The following ZNF263 variants were observed in gnomAD, a reference collection of about 807,000 sequenced individuals.
The protein encoded by ZNF263 is zinc finger protein 263.
Under a neutral mutation model 63.1 loss-of-function variants are expected in ZNF263, and 49 were observed. The observed-to-expected ratio is 0.78, with a 90% CI of 0.62 to 0.99. The LOEUF (loss-of-function observed/expected upper bound fraction) is 0.99, where lower values mean the gene tolerates loss of function less well. Ranked by LOEUF, ZNF263 falls within the 50% of genes least tolerant of loss-of-function variation. The pLI is 0.00. For missense variants in ZNF263, 872 were observed against 854.8 expected, an observed-to-expected ratio of 1.02 and a Z score of -0.25; for synonymous variants, 352 against 324.2, an observed-to-expected ratio of 1.09 and a Z score of -0.92.
Position 3,290,659 on chromosome 16 carries a change from C to A in ZNF263, c.*101C>A. On this transcript the variant is annotated 3_prime_UTR_variant, in exon 6 of 6. Coordinates refer to ENST00000219069, the MANE Select transcript of ZNF263 (RefSeq NM_005741.5). ...TGCCCAGCCGACCAAATGACCTCTGCATTCTTCAGGTAATGGGGGCTCATT... is the reference window on the plus strand; with the variant it reads ...TGCCCAGCCGACCAAATGACCTCTGAATTCTTCAGGTAATGGGGGCTCATT... The A allele has an allele frequency of 6.8e-7, 1 of 1,475,424 alleles. No homozygotes were observed. The highest frequency in any genetic ancestry group is 8.9e-7 in the Non-Finnish European group (1 of 1,121,274). The allele number at this position is 1,475,424 out of a possible 1,614,324, so 91.4% of individuals were successfully genotyped here.
chr16:3,300,808 G>T, intron 2 of ZNF263: 1 of 948,906 alleles, frequency 1.1e-6, no homozygotes, highest in Non-Finnish European at 1.5e-6. Context: ...GAGGTCTTAT[G>T]CACTCAGAAA....
At chr16:3,292,851 T>C (rs1173242966), downstream of ZNF263, 1 of 152,238 alleles carries the variant, frequency 6.6e-6, no homozygotes. Context: ...CCTGTTTTAA[T>C]GAGATGACAT....
chr16:3,295,247 G>GC (rs1401352654), downstream of ZNF263, among the ~76,000 whole-genome samples: 2 of 152,112 alleles, frequency 1.3e-5, no homozygotes, highest in African/African-American at 4.8e-5. Flanking sequence ...CGTCGGCTCT[G>GC]CCCCCAGAAG....
rs1379652578 is a variant in ZNF263, at chr16:3,289,802, G to A, written c.1296G>A (p.Glu432=). The change falls in exon 6 of 6, where the codon GAG becomes GAA. Residue 432 remains glutamate (E), a synonymous_variant. Transcript: ENST00000219069. The part of the protein sequence containing the change: ...LSLHRAHLGE[E]AHKCLECGKC... The stretch of plus-strand genomic sequence containing the variant: ...TACACAGAGCACACCTGGGAGAGGA[G>A]GCCCACAAGTGCCTTGAATGTGGGA... The A allele has an allele frequency of 6.2e-7, 1 of 1,614,208 alleles. No homozygotes were observed. The highest frequency in any genetic ancestry group is 1.6e-4 in the Middle Eastern group (1 of 6,062).
At chr16:3,299,169 C>G in intron 2 of ZNF263, 1 of 1,566,304 alleles carries the variant, frequency 6.4e-7, no homozygotes, top group Non-Finnish European at 8.6e-7. Context: ...AGTCCAAACT[C>G]TCTCTTACAG....
rs559988327 is a variant in ZNF263 at position 3,287,184 on chromosome 16, C to T, written c.769+1035C>T. On this transcript the variant is annotated intron_variant, in intron 4 of 5. Transcript: ENST00000219069. ...CTAATTCTGCAAACGCAATCTTGCT[C>T]ACTGCAACCTCTGCCTCCCGGGTTC... 7.2e-5 allele frequency among the ~76,000 whole-genome samples: 11 copies of T among 152,344 alleles called. No homozygotes were observed. The East Asian group carries it at 2.1e-3, about 29-fold the overall frequency.
intron 1 of ZNF263, among the ~76,000 whole-genome samples, chr16:3,284,599 G>T (rs1332141942): frequency 6.6e-6 from 1 of 152,214 alleles, no homozygotes. Context: ...GTAAAGTTGT[G>T]AACACTACTA....
At chr16:3,299,739 C>G in intron 2 of ZNF263, 4 of 1,541,564 alleles carry the variant, frequency 2.6e-6, no homozygotes, top group Non-Finnish European at 3.5e-6. Context: ...CCAGAAGTAA[C>G]AATGCCCTGA....
At position 3,288,568 on chromosome 16, in the gene ZNF263, C is replaced by T. The variant is rs748323811; in HGVS notation, c.884C>T (p.Pro295Leu). ...GGCCTGAGCCCCAGAGGCCCAGCTCCAGGTAAGGAATGAAGACAAGTGGCC... is the reference window on the plus strand; with the variant it reads ...GGCCTGAGCCCCAGAGGCCCAGCTCTAGGTAAGGAATGAAGACAAGTGGCC... ...KEGLSPRGPA[P>L]GEEKFENLEG... The change falls in exon 5 of 6, where the codon CCA becomes CTA. Residue 295 changes from proline (P) to leucine (L), a missense_variant and splice_region_variant. Coordinates refer to ENST00000219069, the MANE Select transcript of ZNF263 (RefSeq NM_005741.5). 5 of 1,607,680 alleles carry T rather than the reference C, an allele frequency of 3.1e-6. No homozygotes were observed. The Admixed American group carries it at 6.7e-5, about 22-fold the overall frequency.
chr16:3,290,217 G>C lies in ZNF263; in HGVS notation c.1711G>C (p.Glu571Gln), dbSNP rs761908255. The C allele has an allele frequency of 1.9e-6, 3 of 1,614,216 alleles. No individual in the cohort carries two copies. The highest frequency in any genetic ancestry group is 2.5e-6 in the Non-Finnish European group (3 of 1,180,042). ...TACAAACCATGGAGCCCATAAGGCA[G>C]AGAAGAAGCTCTTTGAATGTTTGAC... ...FLTNHGAHKAEKKLFECLTCG... is the reference protein window; with the variant it reads ...FLTNHGAHKAQKKLFECLTCG... The change falls in exon 6 of 6, where the codon GAG (glutamate) becomes CAG (glutamine). Residue 571 changes from glutamate (E) to glutamine (Q), a missense_variant. Coordinates refer to ENST00000219069, the MANE Select transcript of ZNF263 (RefSeq NM_005741.5).
chr16:3,299,032 A>C, intron 1 of ZNF263: 1 of 1,379,038 alleles, frequency 7.3e-7, no homozygotes. Flanking sequence ...CCTAGGTTTC[A>C]AAAAGCTACC....
At position 3,289,516 on chromosome 16, in the gene ZNF263, C is replaced by G; in HGVS notation, c.1010C>G (p.Pro337Arg). 6 of 1,588,352 alleles carry G rather than the reference C, an allele frequency of 3.8e-6. No homozygotes were observed. Among genetic ancestry groups the G allele is most frequent in the Non-Finnish European group, 5.1e-6 (6 of 1,166,916 alleles). ...EVPWSPELGR[P>R]HDRSQGDWAP... ...CCCTGGAGTCCTGAGCTGGGAAGAC[C>G]TCATGACCGGTCGCAAGGGGATTGG... Residue 337 changes from proline to arginine, a missense_variant, in exon 6 of 6, where the codon CCT (proline) becomes CGT (arginine). Pro to Arg is a moderately radical substitution (Grantham distance 103). Coordinates refer to ENST00000219069, the MANE Select transcript of ZNF263 (RefSeq NM_005741.5).
Position 3,289,586 on chromosome 16 carries a change from C to T in ZNF263, c.1080C>T (p.Ala360=). The change falls in exon 6 of 6, where the codon GCC becomes GCT. Residue 360 remains alanine, a synonymous_variant. Coordinates refer to ENST00000219069, the MANE Select transcript of ZNF263 (RefSeq NM_005741.5). ...EGGMEQALAG[A]SSGRELGRPK... is the part of the protein sequence containing the mutation. ...GAATGGAGCAGGCCTTGGCAGGAGC[C>T]TCAAGTGGCAGAGAACTGGGGCGAC... 2 of 1,614,038 alleles carry T rather than the reference C, an allele frequency of 1.2e-6. No individual in the cohort carries two copies. The highest frequency in any genetic ancestry group is 1.7e-6 in the Non-Finnish European group (2 of 1,179,992).
Position 3,283,842 on chromosome 16 carries a change from G to A in ZNF263, c.24G>A (p.Gln8=). The part of the protein sequence containing the change: MASGPGS[Q]EREGLLIVKL... ...CGATGGCGTCGGGCCCGGGCTCCCA[G>A]GAACGGGAAGGGCTCCTGATAGTGA... Residue 8 remains glutamine (Q), a synonymous_variant, in exon 1 of 6, where the codon CAG becomes CAA. Coordinates refer to ENST00000219069, the MANE Select transcript of ZNF263 (RefSeq NM_005741.5). 1 of 1,583,132 alleles carries A rather than the reference G, an allele frequency of 6.3e-7. No individual in the cohort carries two copies. The highest frequency in any genetic ancestry group is 8.6e-7 in the Non-Finnish European group (1 of 1,166,544).
rs1424182628 is a variant in ZNF263, at chr16:3,289,492, C to T, written c.986C>T (p.Pro329Leu). Reference sequence around the variant, plus strand: ...CCTGACCAGGCCCGAGGGGAGGTGCCCTGGAGTCCTGAGCTGGGAAGACCT... The same window carrying T: ...CCTGACCAGGCCCGAGGGGAGGTGCTCTGGAGTCCTGAGCTGGGAAGACCT... The part of the protein sequence containing the change: ...LLPDQARGEV[P>L]WSPELGRPHD... Residue 329 changes from proline (P) to leucine (L), a missense_variant, in exon 6 of 6, where the codon CCC becomes CTC. Pro to Leu is a moderately conservative substitution (Grantham distance 98). Coordinates refer to ENST00000219069, the MANE Select transcript of ZNF263 (RefSeq NM_005741.5). The T allele has an allele frequency of 6.4e-7, 1 of 1,559,052 alleles. No individual in the cohort carries two copies. Among genetic ancestry groups the T allele is most frequent in the East Asian group, 2.2e-5 (1 of 44,502 alleles).
Position 3,283,643 on chromosome 16 carries a change from A to ATT in ZNF263, c.-176_-175insTT, listed in dbSNP as rs1334192643. On this transcript the variant is annotated 5_prime_UTR_variant, in exon 1 of 6. An upstream open reading frame in the 5' UTR loses its in-frame stop. Coordinates refer to ENST00000219069, the MANE Select transcript of ZNF263 (RefSeq NM_005741.5). Reference sequence around the variant, plus strand: ...GCCGGCGTGGCGGCGCCTGGGACCGACTGAGGCCTAGGCGCCGGAGCCGGC... The same window carrying ATT: ...GCCGGCGTGGCGGCGCCTGGGACCGATTCTGAGGCCTAGGCGCCGGAGCCGGC... 6 of 1,057,898 alleles carry ATT rather than the reference A, an allele frequency of 5.7e-6. No homozygotes were observed. Among genetic ancestry groups the ATT allele is most frequent in the Non-Finnish European group, 7.3e-6 (6 of 817,072 alleles). The allele number at this position is 1,057,898 out of a possible 1,614,324, so 65.5% of individuals were successfully genotyped here.
chr16:3,287,166 T>C (rs1959392687), intron 4 of ZNF263, among the ~76,000 whole-genome samples: 1 of 152,218 alleles, frequency 6.6e-6, no homozygotes, highest in African/African-American at 2.4e-5. Context: ...ACACTAATTC[T>C]GCAAACGCAA....
At chr16:3,287,464 G>A (rs1034668397) in intron 4 of ZNF263, among the ~76,000 whole-genome samples, 1 of 134,314 alleles carries the variant, frequency 7.4e-6, no homozygotes, top group Non-Finnish European at 1.5e-5. Flanking sequence ...AGGCTGCTCT[G>A]GAACTTCTGG....
rs1210747561 is a variant in ZNF263, at chr16:3,289,395, G to C, written c.889G>C (p.Glu297Gln). The stretch of plus-strand genomic sequence containing the variant: ...TTTGGTTTCTCTCTCTCTACCAGGA[G>C]AAGAGAAATTTGAGAACCTGGAAGG... ...GLSPRGPAPG[E>Q]EKFENLEGVP... is the part of the protein sequence containing the mutation. The change falls in exon 6 of 6, where the codon GAA becomes CAA. Residue 297 changes from glutamate (E) to glutamine (Q), a missense_variant and splice_region_variant. Glu to Gln is a conservative substitution (Grantham distance 29). Coordinates refer to ENST00000219069, the MANE Select transcript of ZNF263 (RefSeq NM_005741.5). 6.6e-7 allele frequency: 1 copy of C among 1,510,518 alleles called. No homozygotes were observed. Among genetic ancestry groups the C allele is most frequent in the African/African-American group, 1.4e-5 (1 of 71,650 alleles). The allele number at this position is 1,510,518 out of a possible 1,614,324, so 93.6% of individuals were successfully genotyped here.
Sources: gnomAD v4.1 joint callset for allele counts (sites outside exome capture counted in the v4.1 genomes callset) on GRCh38, gnomAD v4.1.1 for gene constraint, MANE v1.5 for transcripts, NCBI Gene and HGNC (gene_info 2026-07-23, HGNC 2026-07-21) for gene names.